The following MTHFD1 variants were observed in gnomAD, a reference collection of about 807,000 sequenced individuals.
MTHFD1 encodes the protein C-1-tetrahydrofolate synthase, cytoplasmic.
MTHFD1 carries 44 observed loss-of-function variants against 110.3 expected under a neutral mutation model. The ratio of observed to expected loss-of-function variants is 0.40; its 90% CI spans 0.31 to 0.51. The LOEUF is 0.51. Ranked by LOEUF, MTHFD1 falls within the 20% of genes least tolerant of loss-of-function variation. The pLI, the probability that MTHFD1 is intolerant of heterozygous loss-of-function variation, is 0.60. For missense variants in MTHFD1, 909 were observed against 1,173.1 expected (o/e 0.77, Z 3.29); for synonymous variants, 402 against 428.8 (o/e 0.94, Z 0.77).
In MTHFD1 at chr14:64,442,962, T is replaced by C. The variant is rs552302623; in HGVS notation, c.2136+560T>C. Among the ~76,000 whole-genome samples the C allele has an allele frequency of 4.6e-5, 7 of 152,332 alleles. No individual in the cohort carries two copies. In the South Asian group the frequency reaches 1.4e-3, roughly 32 times the overall value. On this transcript the variant is annotated intron_variant, in intron 21 of 27. Coordinates refer to ENST00000652337, the MANE Select transcript of MTHFD1 (RefSeq NM_005956.4). ...TGAATTTTGTATTTCTCTGAATTCC[T>C]ACTGCTTAGAAATTCCTACTACTTT...
At chr14:64,440,343 C>A in intron 18 of MTHFD1, 77 bp downstream of exon 18, 1 of 1,532,322 alleles carries the variant, frequency 6.5e-7, no homozygotes, top group Non-Finnish European at 9.0e-7. Context: ...TTATTAATAA[C>A]AAAATGTAAT....
chr14:64,418,051 G>C, intron 7 of MTHFD1, 27 bp downstream of exon 7: 10 of 1,614,000 alleles, frequency 6.2e-6, no homozygotes, highest in Non-Finnish European at 8.5e-6. Context: ...AGAGGTAAAG[G>C]TGTTACGGTG....
chr14:64,394,193 A>T (rs1303790219), intron 1 of MTHFD1, among the ~76,000 whole-genome samples: 2 of 151,994 alleles, frequency 1.3e-5, no homozygotes, highest in African/African-American at 4.8e-5. Flanking sequence ...TTCCTCAGCC[A>T]CTCGGCTACT....
chr14:64,411,773 T>C (rs1220858429), intron 3 of MTHFD1, among the ~76,000 whole-genome samples: 3 of 152,014 alleles, frequency 2.0e-5, no homozygotes, highest in Non-Finnish European at 2.9e-5. Context: ...TGGTGGCGCA[T>C]GCCTGTAATC....
rs1482240756 is a variant in MTHFD1, at chr14:64,431,605, C to T, written c.1385C>T (p.Ala462Val). The change falls in exon 14 of 28, where the codon GCT (alanine) becomes GTT (valine). Residue 462 changes from alanine (A) to valine (V), a missense_variant. Ala to Val is a moderately conservative substitution (Grantham distance 64, BLOSUM62 0). Around this residue, in one of 3 missense-constraint regions of MTHFD1, gnomAD observed 482 missense variants for 646.0 expected, o/e 0.75. Transcript: ENST00000652337. ...AACCTCGTTGCTGCGGCCATTGATG[C>T]TCGGATATTTCATGAACTGACCCAG... ...ANNLVAAAID[A>V]RIFHELTQTD... is the part of the protein sequence containing the mutation. 6.2e-7 allele frequency: 1 copy of T among 1,614,164 alleles called. No homozygotes were observed. Among genetic ancestry groups the T allele is most frequent in the South Asian group, 1.1e-5 (1 of 91,078 alleles).
chr14:64,412,330 A>C, intron 3 of MTHFD1, 142 bp from the exon 4 acceptor site: 1 of 716,100 alleles, frequency 1.4e-6, no homozygotes. Context: ...GAATGGGTTG[A>C]AGTGAGGGAC....
chr14:64,420,798 G>A lies in MTHFD1; in HGVS notation c.727+873G>A, dbSNP rs74637243. Reference sequence around the variant, plus strand: ...CTCTGCAGCCTGTGATCTCACTTGCGCATGGTGAATACCTGTCTTCAACTT... The same window carrying A: ...CTCTGCAGCCTGTGATCTCACTTGCACATGGTGAATACCTGTCTTCAACTT... On this transcript the variant is annotated intron_variant, in intron 8 of 27. Transcript: ENST00000652337. 3.8e-3 allele frequency among the ~76,000 whole-genome samples: 573 copies of A among 152,180 alleles called. 1 individual carries two copies. The highest frequency in any genetic ancestry group is 5.8e-3 in the Non-Finnish European group (397 of 68,016).
intron 12 of MTHFD1, 67 bp downstream of exon 12, chr14:64,427,540 A>T: frequency 6.6e-7 from 1 of 1,515,062 alleles, no homozygotes; most frequent in Non-Finnish European, 9.1e-7. Flanking sequence ...TCCCAGGCCC[A>T]CGCAACCTAT....
At chr14:64,398,434 C>T (rs2077873719) in intron 1 of MTHFD1, among the ~76,000 whole-genome samples, 1 of 152,130 alleles carries the variant, frequency 6.6e-6, no homozygotes, top group Admixed American at 6.6e-5. Flanking sequence ...GTAGTTCCAG[C>T]TACTTGGGAG....
At chr14:64,439,534 C>A (rs1468658929) in intron 17 of MTHFD1, among the ~76,000 whole-genome samples, 1 of 152,156 alleles carries the variant, frequency 6.6e-6, no homozygotes, top group Non-Finnish European at 1.5e-5. Context: ...ACAATAAGCG[C>A]ATGATTATAA....
At chr14:64,391,997 G>T (rs1349905268) in intron 1 of MTHFD1, among the ~76,000 whole-genome samples, 1 of 152,096 alleles carries the variant, frequency 6.6e-6, no homozygotes, top group Admixed American at 6.5e-5. Flanking sequence ...GAACACCAGA[G>T]CAGAAAAGAG....
intron 7 of MTHFD1, 149 bp from the exon 8 acceptor site, chr14:64,419,665 A>G: frequency 1.5e-6 from 1 of 687,284 alleles, no homozygotes; most frequent in Non-Finnish European, 2.7e-6. Context: ...TGTGGCTTAC[A>G]TTTGAGGCCT....
In MTHFD1 at chr14:64,441,428, A is replaced by T. The variant is rs1303682525; in HGVS notation, c.1859A>T (p.Lys620Met). The T allele has an allele frequency of 1.9e-6, 3 of 1,613,994 alleles. No individual in the cohort carries two copies. The African/African-American group carries it at 4.0e-5, about 22-fold the overall frequency. ...ACAGTGCTTATGAAGGACGCAATCA[A>T]GCCCAATCTCATGCAGACACTGGAG... ...ALTVLMKDAI[K>M]PNLMQTLEGT... Residue 620 changes from lysine (K) to methionine (M), a missense_variant, in exon 19 of 28, where the codon AAG (lysine) becomes ATG (methionine). Around this residue, in one of 3 missense-constraint regions of MTHFD1, gnomAD observed 482 missense variants for 646.0 expected, o/e 0.75. Transcript: ENST00000652337.
chr14:64,459,995 C>A lies in MTHFD1; in HGVS notation c.*241C>A, dbSNP rs1229018730. The A allele has an allele frequency of 3.6e-6, 5 of 1,384,840 alleles. No individual in the cohort carries two copies. Among genetic ancestry groups the A allele is most frequent in the Non-Finnish European group, 4.9e-6 (5 of 1,021,302 alleles). The allele number at this position is 1,384,840 out of a possible 1,614,324, so 85.8% of individuals were successfully genotyped here. ...TGACGTTCCACAGAATAAAAGGAAACAAGTTTGCCATCTTGGTGTTGCAAT... is the reference window on the plus strand; with the variant it reads ...TGACGTTCCACAGAATAAAAGGAAAAAAGTTTGCCATCTTGGTGTTGCAAT... On this transcript the variant is annotated 3_prime_UTR_variant, in exon 28 of 28. Coordinates refer to ENST00000652337, the MANE Select transcript of MTHFD1 (RefSeq NM_005956.4).
chr14:64,442,647 A>G (rs557607882), intron 21 of MTHFD1, among the ~76,000 whole-genome samples: 2 of 152,246 alleles, frequency 1.3e-5, no homozygotes, highest in Admixed American at 1.3e-4. Flanking sequence ...ACATCTGACA[A>G]TATCTAAACC....
At position 64,400,779 on chromosome 14, in the gene MTHFD1, TC is replaced by T. The variant is rs754824569; in HGVS notation, c.42-12del. 1.3e-6 allele frequency: 2 copies of T among 1,583,564 alleles called. No individual in the cohort carries two copies. The highest frequency in any genetic ancestry group is 2.2e-5 in the South Asian group (2 of 90,150). ...AACATTCAGTGTTAACCCCACCCTT[TC>T]CTTTTTCTCTAGGCAAATAAGGGCG... is the stretch of plus-strand genomic sequence containing the variant. On this transcript the variant is annotated splice_polypyrimidine_tract_variant and intron_variant, in intron 1 of 27. Coordinates refer to ENST00000652337, the MANE Select transcript of MTHFD1 (RefSeq NM_005956.4).
At chr14:64,452,854 A>T (rs1044874661) in intron 24 of MTHFD1, among the ~76,000 whole-genome samples, 18 of 151,994 alleles carry the variant, frequency 1.2e-4, no homozygotes, top group Non-Finnish European at 1.9e-4. Context: ...ATTAGAATAG[A>T]ACATCTACTT....
chr14:64,449,964 AT>A lies in MTHFD1; in HGVS notation c.2457+349del, dbSNP rs199540813. On this transcript the variant is annotated intron_variant, in intron 24 of 27. Transcript: ENST00000652337. Reference sequence around the variant, plus strand: ...CCACCGTGCCCAGCTAATTTTTCTTATTTTTTTAGTAGAGATGGGGTTTCAC... The same window carrying A: ...CCACCGTGCCCAGCTAATTTTTCTTATTTTTTAGTAGAGATGGGGTTTCAC... Among the ~76,000 whole-genome samples, 1,140 of 151,952 alleles carry A rather than the reference AT, an allele frequency of 7.5e-3. 7 individuals are homozygous for A. The highest frequency in any genetic ancestry group is 0.027 in the African/African-American group (1,101 of 41,438).
chr14:64,403,004 T>C (rs1225682370), intron 2 of MTHFD1, among the ~76,000 whole-genome samples: 1 of 152,114 alleles, frequency 6.6e-6, no homozygotes, highest in Non-Finnish European at 1.5e-5. Flanking sequence ...AGTTTTACTG[T>C]TACTCAGTGC....
Sources: allele counts gnomAD v4.1 joint callset (sites outside exome capture counted in the v4.1 genomes callset), GRCh38; gene constraint gnomAD v4.1.1; regional missense constraint gnomAD v4.1.1; transcripts MANE v1.5; gene names NCBI Gene and HGNC (gene_info 2026-07-23, HGNC 2026-07-21).